The following OSBP2 variants were observed in gnomAD, a reference collection of about 807,000 sequenced individuals.
The protein encoded by OSBP2 is oxysterol binding protein 2.
Under a neutral mutation model 96.0 loss-of-function variants are expected in OSBP2, and 66 were observed. That is an observed-to-expected ratio of 0.69 (90% CI 0.56 to 0.84). The LOEUF (loss-of-function observed/expected upper bound fraction) is 0.84. OSBP2 is among the 40% of genes least tolerant of loss of function. The probability of loss-of-function intolerance (pLI) is 0.00; values close to 1 mark genes in which losing one functional copy is unlikely to be tolerated. For synonymous variants in OSBP2, 525 were observed against 520.9 expected, an observed-to-expected ratio of 1.01 and a Z score of -0.11; for missense variants, 1,038 against 1,222.7, an observed-to-expected ratio of 0.85 and a Z score of 2.25.
At chr22:30,714,642 G>A (rs907748452) in intron 1 of OSBP2, among the ~76,000 whole-genome samples, 1 of 151,936 alleles carries the variant, frequency 6.6e-6, no homozygotes, top group Admixed American at 6.6e-5. Flanking sequence ...TATTTGAGAC[G>A]GAGTTTCACT....
intron 2 of OSBP2, among the ~76,000 whole-genome samples, chr22:30,765,707 C>T (rs967948765): frequency 6.6e-6 from 1 of 152,164 alleles, no homozygotes; most frequent in Non-Finnish European, 1.5e-5. Context: ...ATTTAATGTG[C>T]TGGATCCAGG....
chr22:30,820,413 ATAAAAT>A (rs1182451220), intron 2 of OSBP2, among the ~76,000 whole-genome samples: 1 of 152,072 alleles, frequency 6.6e-6, no homozygotes, highest in East Asian at 1.9e-4. Flanking sequence ...AATTTTAAAA[ATAAAAT>A]TAAAAACAAA....
At chr22:30,786,147 G>A (rs28672875) in intron 2 of OSBP2, among the ~76,000 whole-genome samples, 4,679 of 151,878 alleles carry the variant, frequency 0.031, 207 homozygotes, top group African/African-American at 0.1. Flanking sequence ...TCTCAACCTC[G>A]AGTAGCTGGG....
intron 2 of OSBP2, among the ~76,000 whole-genome samples, chr22:30,777,695 G>A (rs575455287): frequency 7.9e-5 from 12 of 152,326 alleles, no homozygotes; most frequent in Admixed American, 4.6e-4. Context: ...ATGCCATAGT[G>A]CCCACAGTGA....
At chr22:30,734,462 A>T (rs2089822822) in intron 1 of OSBP2, among the ~76,000 whole-genome samples, 2 of 152,220 alleles carry the variant, frequency 1.3e-5, no homozygotes, top group Admixed American at 1.3e-4. Flanking sequence ...TACTGTGAGC[A>T]GGGCTTTAAC....
intron 2 of OSBP2, among the ~76,000 whole-genome samples, chr22:30,772,473 T>C (rs2090361196): frequency 1.3e-5 from 2 of 152,262 alleles, no homozygotes; most frequent in South Asian, 4.1e-4. Flanking sequence ...TGTCTTGTAA[T>C]GAATGAGGCA....
intron 6 of OSBP2, 24 bp from the exon 7 acceptor site, chr22:30,889,466 A>AG (rs747113045): frequency 2.5e-6 from 4 of 1,613,828 alleles, no homozygotes; most frequent in East Asian, 4.5e-5. Flanking sequence ...GCTGACGGTG[A>AG]GGGGGTCCCC....
intron 2 of OSBP2, among the ~76,000 whole-genome samples, chr22:30,830,120 T>G (rs952118960): frequency 1.3e-5 from 2 of 152,210 alleles, no homozygotes; most frequent in African/African-American, 4.8e-5. Flanking sequence ...TGCAGATTCA[T>G]TCTCCTGGCA....
At chr22:30,763,008 G>A (rs1009560649) in intron 2 of OSBP2, among the ~76,000 whole-genome samples, 5 of 152,172 alleles carry the variant, frequency 3.3e-5, no homozygotes, top group Non-Finnish European at 7.3e-5. Context: ...GGTTCAAATC[G>A]TGGCTCCCAC....
intron 1 of OSBP2, among the ~76,000 whole-genome samples, chr22:30,723,383 G>A (rs994694062): frequency 3.3e-5 from 5 of 151,426 alleles, no homozygotes; most frequent in Non-Finnish European, 5.9e-5. Context: ...GGGATTACAG[G>A]CGTGAGCCAC....
intron 2 of OSBP2, among the ~76,000 whole-genome samples, chr22:30,787,040 C>T (rs577429365): frequency 6.6e-6 from 1 of 152,178 alleles, no homozygotes; most frequent in East Asian, 1.9e-4. Flanking sequence ...CCTGGTGATC[C>T]GCCTGTCTCG....
chr22:30,879,070 A>G (rs948886180), intron 3 of OSBP2, among the ~76,000 whole-genome samples: 3 of 152,214 alleles, frequency 2.0e-5, no homozygotes, highest in Non-Finnish European at 2.9e-5. Context: ...GACCCGCATC[A>G]GAAGGGGCCC....
rs1201251129 is a variant in OSBP2, at chr22:30,881,820, G to A, written c.1108-5606G>A. The A allele has an allele frequency of 4.6e-6, 6 of 1,303,742 alleles. No homozygotes were observed. The African/African-American group carries it at 6.1e-5, about 13-fold the overall frequency. The allele number at this position is 1,303,742 out of a possible 1,614,324, so 80.8% of individuals were successfully genotyped here. On this transcript the variant is annotated intron_variant, in intron 3 of 13. Coordinates refer to ENST00000332585, the MANE Select transcript of OSBP2 (RefSeq NM_030758.4). The surrounding 1 kb of genome is among the most constrained non-coding windows in gnomAD (Gnocchi z 4.5). ...GACACCAGGTGGGTGCATCCGGGCT[G>A]GGGGAGGTGGACGGGCTCTCTGCAT...
At chr22:30,794,556 C>T (rs1176692144) in intron 2 of OSBP2, among the ~76,000 whole-genome samples, 2 of 152,042 alleles carry the variant, frequency 1.3e-5, no homozygotes, top group Admixed American at 6.5e-5. Context: ...TGAGCCACCA[C>T]GCCCACCCTG....
intron 2 of OSBP2, among the ~76,000 whole-genome samples, chr22:30,823,696 T>A (rs2038335771): frequency 6.6e-6 from 1 of 152,208 alleles, no homozygotes; most frequent in Admixed American, 6.5e-5. Context: ...TGAAACACCA[T>A]ATGAGGTCTT....
rs1040426040 is a variant in OSBP2, at chr22:30,730,933, G to C, written c.645-10228G>C. 1.3e-5 allele frequency among the ~76,000 whole-genome samples: 2 copies of C among 150,114 alleles called. 1 individual carries two copies. The highest frequency in any genetic ancestry group is 1.3e-4 in the Admixed American group (2 of 14,962). On this transcript the variant is annotated intron_variant, in intron 1 of 13. Coordinates refer to ENST00000332585, the MANE Select transcript of OSBP2 (RefSeq NM_030758.4). ...CTCACGCCTGTAATCCCAGCACTTT[G>C]GGTGGCCGAGGCAGGTGGATCACGA...
chr22:30,730,808 A>ATATATATATATATATATT (rs1491303061), intron 1 of OSBP2, among the ~76,000 whole-genome samples: 6 of 39,334 alleles, frequency 1.5e-4, no homozygotes, highest in African/African-American at 3.5e-4. Context: ...ATATATATAT[A>ATATATATATATATATATT]ATTTTTTTTT....
chr22:30,842,671 CA>C, intron 2 of OSBP2: 1 of 160,424 alleles, frequency 6.2e-6, no homozygotes, highest in African/African-American at 2.4e-5. Flanking sequence ...GCATCTTCAC[CA>C]GGATTAGATT....
At chr22:30,744,003 G>T (rs1173497505) in intron 2 of OSBP2, among the ~76,000 whole-genome samples, 1 of 152,194 alleles carries the variant, frequency 6.6e-6, no homozygotes, top group African/African-American at 2.4e-5. Context: ...AGCCTTCTGG[G>T]CAAGGGCACA....
Sources: allele counts gnomAD v4.1 joint callset (sites outside exome capture counted in the v4.1 genomes callset), GRCh38; gene constraint gnomAD v4.1.1; non-coding constraint Gnocchi (gnomAD v3.1); transcripts MANE v1.5; gene names NCBI Gene and HGNC (gene_info 2026-07-23, HGNC 2026-07-21).